The following GPAT3 variants were observed in gnomAD, a reference collection of about 807,000 sequenced individuals.
GPAT3 encodes 1-AGP acyltransferase 9.
In GPAT3, 53 loss-of-function variants were observed where a neutral mutation model predicts 58.8. The observed-to-expected ratio is 0.90, with a 90% CI of 0.72 to 1.13. GPAT3 has a LOEUF of 1.13. Ranked by LOEUF, GPAT3 falls within the 50% of genes most tolerant of loss-of-function variation. The probability of loss-of-function intolerance (pLI) is 0.00; values close to 1 mark genes in which losing one functional copy is unlikely to be tolerated. For synonymous variants in GPAT3, 197 were observed against 187.4 expected, an observed-to-expected ratio of 1.05 and a Z score of -0.42; for missense variants, 511 against 527.6, an observed-to-expected ratio of 0.97 and a Z score of 0.31.
At chr4:83,561,391 T>C (rs1725120380) in intron 2 of GPAT3, among the ~76,000 whole-genome samples, 1 of 152,130 alleles carries the variant, frequency 6.6e-6, no homozygotes, top group South Asian at 2.1e-4. Flanking sequence ...TTTTTCAAGA[T>C]TGGCAAGCTT....
intron 2 of GPAT3, among the ~76,000 whole-genome samples, chr4:83,575,592 T>A (rs1725782953): frequency 6.6e-6 from 1 of 151,986 alleles, no homozygotes; most frequent in South Asian, 2.1e-4. Context: ...TTTTTTGTAT[T>A]TTTAGTAGAG....
chr4:83,562,217 A>ATATATAATATATATATAT (rs1725187565), intron 2 of GPAT3, among the ~76,000 whole-genome samples: 2 of 78,742 alleles, frequency 2.5e-5, no homozygotes, highest in African/African-American at 1.4e-4. Context: ...TATATTATAT[A>ATATATAATATATATATAT]TATATATAAT....
chr4:83,602,319 A>G (rs532853293), intron 11 of GPAT3, among the ~76,000 whole-genome samples: 1 of 152,294 alleles, frequency 6.6e-6, no homozygotes, highest in Admixed American at 6.5e-5. Context: ...TCCATCAAAA[A>G]TGATCCTCAG....
intron 1 of GPAT3, among the ~76,000 whole-genome samples, chr4:83,541,907 T>C (rs1724318186): frequency 6.6e-6 from 1 of 152,190 alleles, no homozygotes; most frequent in Non-Finnish European, 1.5e-5. Flanking sequence ...CATCCTTGTG[T>C]CTATTTGCAT....
intron 2 of GPAT3, among the ~76,000 whole-genome samples, chr4:83,551,589 C>T (rs536517877): frequency 6.6e-6 from 1 of 151,754 alleles, no homozygotes; most frequent in Non-Finnish European, 1.5e-5. Flanking sequence ...GTCAAGAAAT[C>T]GAGACCATCC....
intron 2 of GPAT3, among the ~76,000 whole-genome samples, chr4:83,558,391 T>C (rs1725014523): frequency 6.6e-6 from 1 of 151,884 alleles, no homozygotes; most frequent in South Asian, 2.1e-4. Flanking sequence ...AGACAACCAG[T>C]GAAAAACAAG....
chr4:83,585,901 T>C (rs906546783), intron 3 of GPAT3, among the ~76,000 whole-genome samples: 4 of 152,222 alleles, frequency 2.6e-5, no homozygotes, highest in African/African-American at 9.6e-5. Context: ...TTTTAAATAA[T>C]GCTAAACTGC....
intron 2 of GPAT3, among the ~76,000 whole-genome samples, chr4:83,571,453 C>T (rs1725599815): frequency 6.6e-6 from 1 of 151,660 alleles, no homozygotes; most frequent in Non-Finnish European, 1.5e-5. Context: ...AAAATTTTAG[C>T]CATTTTTGTG....
At chr4:83,587,859 A>C (rs561138590) in intron 4 of GPAT3, among the ~76,000 whole-genome samples, 1 of 152,314 alleles carries the variant, frequency 6.6e-6, no homozygotes, top group South Asian at 2.1e-4. Flanking sequence ...GAATTGAAGA[A>C]AGAAAATGAA....
At chr4:83,562,214 T>TATATGTATA (rs1553944917) in intron 2 of GPAT3, among the ~76,000 whole-genome samples, 1 of 77,124 alleles carries the variant, frequency 1.3e-5, no homozygotes, top group African/African-American at 6.0e-5. Context: ...ATATATATTA[T>TATATGTATA]ATATATATAT....
At chr4:83,556,865 A>G (rs1724962682) in intron 2 of GPAT3, among the ~76,000 whole-genome samples, 1 of 152,164 alleles carries the variant, frequency 6.6e-6, no homozygotes, top group Admixed American at 6.5e-5. Flanking sequence ...AATACCATAG[A>G]GTGGGTGGCT....
chr4:83,585,317 A>AAGTTATAATTATAAAATTGAT (rs1377653305), intron 3 of GPAT3, among the ~76,000 whole-genome samples: 1 of 149,962 alleles, frequency 6.7e-6, no homozygotes, highest in Non-Finnish European at 1.5e-5. Flanking sequence ...TCATGTTATT[A>AAGTTATAATTATAAAATTGAT]AGTTATAATT....
intron 2 of GPAT3, among the ~76,000 whole-genome samples, chr4:83,558,992 T>C (rs531932923): frequency 6.6e-6 from 1 of 152,248 alleles, no homozygotes; most frequent in African/African-American, 2.4e-5. Flanking sequence ...ACAAAAAGAT[T>C]GGCTTAAATG....
At position 83,604,843 on chromosome 4, in the gene GPAT3, A is replaced by G; in HGVS notation, c.*76A>G. 8.3e-7 allele frequency: 1 copy of G among 1,197,836 alleles called. No individual in the cohort carries two copies. The highest frequency in any genetic ancestry group is 1.5e-5 in the African/African-American group (1 of 64,520). 74.2% of individuals were successfully genotyped at this position (1,197,836 alleles called of 1,614,324 possible). ...GGCTTTTTTTGTTTTGTTTTGTTTT[A>G]TTGTTTTGTTTTTATTATTGTTAAT... On this transcript the variant is annotated 3_prime_UTR_variant, in exon 12 of 12. Transcript: ENST00000264409.
Position 83,581,699 on chromosome 4 carries a change from TTTTC to T in GPAT3, c.347_350del (p.Phe116SerfsTer5), listed in dbSNP as rs777351579. On this transcript the variant is annotated frameshift_variant, in exon 3 of 12. Transcript: ENST00000264409. LOFTEE classifies it high-confidence loss of function. ...TGTAGAAGATGAAGTGACCCAGAGG[TTTTC>T]CTCAGAGGAGCTAGTGTCATGGAAT... is the stretch of plus-strand genomic sequence containing the variant. 2.5e-6 allele frequency: 4 copies of T among 1,614,038 alleles called. No homozygotes were observed. In the Admixed American group the frequency reaches 6.7e-5, roughly 27 times the overall value.
intron 6 of GPAT3, among the ~76,000 whole-genome samples, 179 bp from the exon 7 acceptor site, chr4:83,594,666 T>TA (rs1467540458): frequency 6.6e-6 from 1 of 152,244 alleles, no homozygotes; most frequent in African/African-American, 2.4e-5. Flanking sequence ...AAGGTGCTAC[T>TA]AAAGAATACC....
intron 11 of GPAT3, among the ~76,000 whole-genome samples, chr4:83,602,171 A>G (rs1246600450): frequency 1.3e-5 from 2 of 152,066 alleles, no homozygotes; most frequent in Non-Finnish European, 2.9e-5. Flanking sequence ...ATCTTACCTG[A>G]CACTCAGCCC....
intron 3 of GPAT3, among the ~76,000 whole-genome samples, chr4:83,582,384 TG>T (rs1726175076): frequency 6.6e-6 from 1 of 152,242 alleles, no homozygotes; most frequent in African/African-American, 2.4e-5. Flanking sequence ...GGTCCCCTTC[TG>T]CTTCTGAGCT....
intron 2 of GPAT3, among the ~76,000 whole-genome samples, chr4:83,556,412 C>T (rs1724942266): frequency 6.6e-6 from 1 of 151,928 alleles, no homozygotes; most frequent in African/African-American, 2.4e-5. Flanking sequence ...GTATGAGAAT[C>T]ACTTCAATCC....
Sources: gnomAD v4.1 joint callset for allele counts (sites outside exome capture counted in the v4.1 genomes callset) on GRCh38, gnomAD v4.1.1 for gene constraint, MANE v1.5 for transcripts, NCBI Gene and HGNC (gene_info 2026-07-23, HGNC 2026-07-21) for gene names.